SLC37A1: variants seen among roughly 807,000 people sequenced by gnomAD.
SLC37A1 encodes the protein solute carrier family 37 member 1.
Under a neutral mutation model 75.3 loss-of-function variants are expected in SLC37A1, and 49 were observed. The observed-to-expected ratio is 0.65, with a 90% CI of 0.52 to 0.83. SLC37A1 has a LOEUF of 0.83. Ranked by LOEUF, SLC37A1 falls within the 40% of genes least tolerant of loss-of-function variation. The probability of loss-of-function intolerance (pLI) is 0.00; values close to 1 mark genes in which losing one functional copy is unlikely to be tolerated. For missense variants in SLC37A1, 566 were observed against 695.0 expected (o/e 0.81, Z 2.09); for synonymous variants, 268 against 292.1 (o/e 0.92, Z 0.84).
intron 12 of SLC37A1, among the ~76,000 whole-genome samples, chr21:42,563,572 T>A (rs1446976174): frequency 2.6e-5 from 4 of 151,842 alleles, no homozygotes; most frequent in Admixed American, 6.6e-5. Flanking sequence ...CCTGGGGGGG[T>A]CTCTGAACCA....
At chr21:42,549,123 G>A (rs2055494678) in intron 9 of SLC37A1, among the ~76,000 whole-genome samples, 1 of 152,192 alleles carries the variant, frequency 6.6e-6, no homozygotes, top group South Asian at 2.1e-4. Context: ...GTCGTGCCGT[G>A]AAGTAGCTTA....
At chr21:42,503,485 G>A (rs2054358981) in intron 2 of SLC37A1, among the ~76,000 whole-genome samples, 1 of 152,042 alleles carries the variant, frequency 6.6e-6, no homozygotes, top group Non-Finnish European at 1.5e-5. Context: ...TGTGGATCAA[G>A]AGATCCACTC....
rs905247115 is a variant in SLC37A1, at chr21:42,545,916, G to T, written c.731-1187G>T. On this transcript the variant is annotated intron_variant, in intron 8 of 19. Transcript: ENST00000352133. The surrounding 1 kb of genome is among the most constrained non-coding windows in gnomAD (Gnocchi z 4.0). ...TGGGTGCAGACCCACCTGGCCCTAC[G>T]GCATGTTGATAATAACCTTATCAAC... Among the ~76,000 whole-genome samples, 1 of 152,230 alleles carries T rather than the reference G, an allele frequency of 6.6e-6. No individual in the cohort carries two copies. Among genetic ancestry groups the T allele is most frequent in the Non-Finnish European group, 1.5e-5 (1 of 68,038 alleles).
chr21:42,509,363 G>A (rs949979783), upstream of SLC37A1: 8 of 152,218 alleles, frequency 5.3e-5, no homozygotes, highest in African/African-American at 1.9e-4. This position sits in a 1 kb window ranked among gnomAD's most constrained non-coding sequence, Gnocchi z 4.2. Context: ...AGTCATTGTT[G>A]TTCATGGCCG....
intron 9 of SLC37A1, among the ~76,000 whole-genome samples, chr21:42,550,610 T>C (rs749773069): frequency 1.4e-5 from 2 of 147,930 alleles, no homozygotes; most frequent in Non-Finnish European, 3.0e-5. Context: ...TGAGGTGTTA[T>C]CGTAATAACA....
rs114498497 is a variant in SLC37A1 at position 42,548,346 on chromosome 21, G to A, written c.768+1206G>A. Among the ~76,000 whole-genome samples the A allele has an allele frequency of 6.1e-3, 930 of 152,164 alleles. 10 individuals carry two copies. Among genetic ancestry groups the A allele is most frequent in the African/African-American group, 0.021 (866 of 41,500 alleles). The stretch of plus-strand genomic sequence containing the variant: ...GTCCTTCAGACTTAACACGACTGGA[G>A]GAGATCTCTTGATTTTACCCCTGCA... On this transcript the variant is annotated intron_variant, in intron 9 of 19. Transcript: ENST00000352133. This position sits in a 1 kb window ranked among gnomAD's most constrained non-coding sequence, Gnocchi z 5.6.
intron 1 of SLC37A1, among the ~76,000 whole-genome samples, chr21:42,515,970 G>T (rs2054514570): frequency 6.6e-6 from 1 of 152,160 alleles, no homozygotes; most frequent in Non-Finnish European, 1.5e-5. Flanking sequence ...TATTGGCCAT[G>T]CTGGTCTCGA....
intron 2 of SLC37A1, among the ~76,000 whole-genome samples, chr21:42,525,366 CT>C (rs1403049126): frequency 1.3e-5 from 2 of 152,254 alleles, no homozygotes; most frequent in African/African-American, 2.4e-5. Context: ...GCGGGGCAGC[CT>C]CGGCCGGAGC....
chr21:42,568,394 C>T lies in SLC37A1; in HGVS notation c.1379C>T (p.Ala460Val). The change falls in exon 17 of 20, where the codon GCC becomes GTC. Residue 460 changes from alanine to valine, a missense_variant. Physicochemically the swap from Ala to Val is moderately conservative, Grantham distance 64 (BLOSUM62 0). Coordinates refer to ENST00000352133, the MANE Select transcript of SLC37A1 (RefSeq NM_001320537.2). ...THKSLKGNAH[A>V]LSTVTAIIDG... The stretch of plus-strand genomic sequence containing the variant: ...AAAAGTCTGAAAGGCAACGCGCACG[C>T]CCTCTCCACCGTGACGGCCATCATT... 1 of 1,614,154 alleles carries T rather than the reference C, an allele frequency of 6.2e-7. No homozygotes were observed. Among genetic ancestry groups the T allele is most frequent in the Non-Finnish European group, 8.5e-7 (1 of 1,180,012 alleles).
chr21:42,531,078 C>T (rs554198773), intron 3 of SLC37A1, among the ~76,000 whole-genome samples: 8 of 152,298 alleles, frequency 5.3e-5, no homozygotes, highest in South Asian at 2.1e-4. Flanking sequence ...TGCTGCTCCC[C>T]GGACGGGATT....
chr21:42,517,653 C>G (rs1003497588), intron 1 of SLC37A1, among the ~76,000 whole-genome samples: 1 of 152,142 alleles, frequency 6.6e-6, no homozygotes, highest in Non-Finnish European at 1.5e-5. Flanking sequence ...TGGCCTCCCT[C>G]CCCATTCCTT....
At chr21:42,528,262 T>G (rs997456058) in intron 3 of SLC37A1, among the ~76,000 whole-genome samples, 3 of 152,298 alleles carry the variant, frequency 2.0e-5, no homozygotes, top group African/African-American at 7.2e-5. Flanking sequence ...GTGTTATAAG[T>G]GCAACCCTGT....
At chr21:42,531,523 G>A (rs2054979032) in intron 3 of SLC37A1, among the ~76,000 whole-genome samples, 1 of 152,184 alleles carries the variant, frequency 6.6e-6, no homozygotes, top group African/African-American at 2.4e-5. Flanking sequence ...CTTGTTGAAA[G>A]GCACTTGTGT....
At chr21:42,530,492 G>A (rs912748661) in intron 3 of SLC37A1, among the ~76,000 whole-genome samples, 1 of 152,000 alleles carries the variant, frequency 6.6e-6, no homozygotes, top group African/African-American at 2.4e-5. Flanking sequence ...GAGAATTCTT[G>A]TAGCCTTATA....
chr21:42,524,156 G>A (rs1292421783), intron 2 of SLC37A1, among the ~76,000 whole-genome samples: 1 of 152,086 alleles, frequency 6.6e-6, no homozygotes, highest in African/African-American at 2.4e-5. Context: ...TGTTGGTGGC[G>A]CCATTTGAAG....
chr21:42,543,718 G>T, intron 8 of SLC37A1, 116 bp downstream of exon 8: 1 of 1,037,736 alleles, frequency 9.6e-7, no homozygotes. Flanking sequence ...GTTTGCCCGT[G>T]GCTGCCTCAG....
At chr21:42,577,390 C>T (rs1387446239) in intron 18 of SLC37A1, among the ~76,000 whole-genome samples, 2 of 152,172 alleles carry the variant, frequency 1.3e-5, no homozygotes, top group Non-Finnish European at 2.9e-5. Flanking sequence ...GGCTGCAAAG[C>T]CTGAAATATT....
intron 6 of SLC37A1, among the ~76,000 whole-genome samples, chr21:42,540,873 A>G (rs2055262469): frequency 6.6e-6 from 1 of 152,230 alleles, no homozygotes; most frequent in Non-Finnish European, 1.5e-5. Context: ...AGAAAATTAG[A>G]AGGGAGGAGA....
At chr21:42,543,660 T>C (rs2146889112) in intron 8 of SLC37A1, 58 bp downstream of exon 8, 32 of 1,518,166 alleles carry the variant, frequency 2.1e-5, no homozygotes, top group Non-Finnish European at 2.7e-5. Context: ...TTTCCCTGCC[T>C]GGGTGGGCCT....
Sources: gnomAD v4.1 joint callset for allele counts (sites outside exome capture counted in the v4.1 genomes callset) on GRCh38, gnomAD v4.1.1 for gene constraint, Gnocchi (gnomAD v3.1) non-coding constraint, MANE v1.5 for transcripts, NCBI Gene and HGNC (gene_info 2026-07-23, HGNC 2026-07-21) for gene names.